The following DCDC1 variants were observed in gnomAD, a reference collection of about 807,000 sequenced individuals.
DCDC1 encodes doublecortin domain containing 1.
Under a neutral mutation model 178.3 loss-of-function variants are expected in DCDC1, and 200 were observed. The observed-to-expected ratio is 1.12, with a 90% CI of 1.00 to 1.26. DCDC1 has a LOEUF of 1.26. Ranked by LOEUF, DCDC1 falls within the 50% of genes most tolerant of loss-of-function variation. The pLI, the probability that DCDC1 is intolerant of heterozygous loss-of-function variation, is 0.00. For synonymous variants in DCDC1, 690 were observed against 604.8 expected (o/e 1.14, Z -2.07); for missense variants, 1,983 against 1,749.2 (o/e 1.13, Z -2.38).
chr11:30,884,385 C>T (rs633904), intron 36 of DCDC1, among the ~76,000 whole-genome samples: 1,618 of 151,806 alleles, frequency 0.011, 20 homozygotes, highest in African/African-American at 0.037. Flanking sequence ...TTTTTTGTTA[C>T]GAATTTTTTT....
chr11:31,291,444 T>A (rs550630794), intron 6 of DCDC1, among the ~76,000 whole-genome samples: 1 of 152,210 alleles, frequency 6.6e-6, no homozygotes, highest in South Asian at 2.1e-4. Flanking sequence ...CAGTTTACTT[T>A]GACCTATACA....
chr11:31,106,509 T>C (rs1291089409), intron 13 of DCDC1, among the ~76,000 whole-genome samples: 1 of 152,180 alleles, frequency 6.6e-6, no homozygotes, highest in African/African-American at 2.4e-5. Context: ...TCTGCTATCA[T>C]TAAGGTGACT....
At chr11:31,094,838 G>A (rs754154466) in intron 15 of DCDC1, among the ~76,000 whole-genome samples, 5 of 151,914 alleles carry the variant, frequency 3.3e-5, no homozygotes, top group Non-Finnish European at 7.4e-5. Flanking sequence ...TACATGTGCA[G>A]AACAAACAGG....
chr11:31,148,230 A>C lies in DCDC1; in HGVS notation c.1222-10446T>G, dbSNP rs1455550923. The stretch of plus-strand genomic sequence containing the variant: ...TATTATAAAAAAAAAAAAAAAAAAA[A>C]AAAACAGGAAAGGAAAAAGATCTTA... On this transcript the variant is annotated intron_variant, in intron 9 of 38. Coordinates refer to ENST00000684477, the MANE Select transcript of DCDC1 (RefSeq NM_001387274.1). 5.3e-5 allele frequency among the ~76,000 whole-genome samples: 8 copies of C among 150,898 alleles called. No individual in the cohort carries two copies. The East Asian group carries it at 1.2e-3, about 22-fold the overall frequency.
intron 38 of DCDC1, among the ~76,000 whole-genome samples, chr11:30,865,979 C>T (rs1034290276): frequency 6.6e-6 from 1 of 152,032 alleles, no homozygotes; most frequent in African/African-American, 2.4e-5. Context: ...AAAATCCTAA[C>T]CCCCAGCACC....
chr11:31,234,412 G>A (rs1976204857), intron 9 of DCDC1, among the ~76,000 whole-genome samples: 1 of 152,168 alleles, frequency 6.6e-6, no homozygotes. Flanking sequence ...AACAAGAAGT[G>A]AGGAAGCCAC....
At chr11:31,084,019 T>C (rs994082327) in intron 17 of DCDC1, among the ~76,000 whole-genome samples, 1 of 152,224 alleles carries the variant, frequency 6.6e-6, no homozygotes, top group African/African-American at 2.4e-5. Flanking sequence ...TTAGGTCACC[T>C]GGTAAAGAGA....
At chr11:31,347,223 T>C (rs1200708077) in intron 1 of DCDC1, among the ~76,000 whole-genome samples, 1 of 152,214 alleles carries the variant, frequency 6.6e-6, no homozygotes, top group African/African-American at 2.4e-5. Context: ...CTCTCCTGCA[T>C]TTCCCTAGAG....
chr11:31,204,620 C>T (rs1038115565), intron 9 of DCDC1, among the ~76,000 whole-genome samples: 24 of 152,072 alleles, frequency 1.6e-4, no homozygotes, highest in Non-Finnish European at 3.2e-4. Context: ...GTCAGGAGTT[C>T]GAGACCAGCC....
In DCDC1 at chr11:31,290,646, C is replaced by G. The variant is rs369862087; in HGVS notation, c.960+1G>C. On this transcript the variant is annotated splice_donor_variant, in intron 7 of 38. Transcript: ENST00000684477. LOFTEE classifies it high-confidence loss of function. ...TAGTTCAATATTTAATTAAAAATTA[C>G]CTTTTTCATTGTTTCTTTTCCCACT... is the stretch of plus-strand genomic sequence containing the variant. 2.6e-5 allele frequency: 42 copies of G among 1,597,880 alleles called. No individual in the cohort carries two copies. The highest frequency in any genetic ancestry group is 3.5e-5 in the Non-Finnish European group (41 of 1,175,512).
At chr11:31,333,310 C>G (rs188372080) in intron 2 of DCDC1, among the ~76,000 whole-genome samples, 10 of 152,244 alleles carry the variant, frequency 6.6e-5, no homozygotes, top group Admixed American at 4.6e-4. Context: ...GAATACAGCA[C>G]TGATGGGTCT....
At chr11:31,057,498 A>C (rs1356376114) in intron 20 of DCDC1, among the ~76,000 whole-genome samples, 2 of 152,194 alleles carry the variant, frequency 1.3e-5, no homozygotes, top group East Asian at 3.8e-4. Context: ...GGAAATGATA[A>C]TGAAAATATA....
chr11:30,899,741 A>C, intron 33 of DCDC1, 99 bp from the exon 34 acceptor site: 1 of 867,798 alleles, frequency 1.2e-6, no homozygotes, highest in Non-Finnish European at 1.6e-6. Context: ...AGATTCAATT[A>C]GAAACAAGTA....
intron 8 of DCDC1, among the ~76,000 whole-genome samples, chr11:31,256,533 AG>A (rs1944425348): frequency 6.6e-6 from 1 of 152,334 alleles, no homozygotes; most frequent in South Asian, 2.1e-4. Flanking sequence ...AATAACAAAA[AG>A]TCTGAGACTT....
At chr11:30,963,304 T>C (rs1219385439) in intron 20 of DCDC1, among the ~76,000 whole-genome samples, 2 of 152,140 alleles carry the variant, frequency 1.3e-5, no homozygotes, top group Non-Finnish European at 2.9e-5. Flanking sequence ...GCAATTCATA[T>C]CTGCAACTGG....
intron 17 of DCDC1, among the ~76,000 whole-genome samples, chr11:31,082,603 A>G (rs1305804340): frequency 4.9e-5 from 2 of 40,544 alleles, no homozygotes; most frequent in Middle Eastern, 0.029. Flanking sequence ...ATAGATATCT[A>G]TATCTATACA....
At chr11:30,888,986 G>A (rs1943550151) in intron 36 of DCDC1, among the ~76,000 whole-genome samples, 1 of 152,178 alleles carries the variant, frequency 6.6e-6, no homozygotes, top group African/African-American at 2.4e-5. Context: ...CTGTGGGCGT[G>A]AGGTACTTGC....
At chr11:31,149,139 T>C (rs777261554) in intron 9 of DCDC1, among the ~76,000 whole-genome samples, 3 of 152,206 alleles carry the variant, frequency 2.0e-5, no homozygotes, top group Non-Finnish European at 2.9e-5. Flanking sequence ...AATCCACTCA[T>C]TGGTTGATGG....
At chr11:31,143,458 G>T (rs1481557931) in intron 9 of DCDC1, among the ~76,000 whole-genome samples, 2 of 152,138 alleles carry the variant, frequency 1.3e-5, no homozygotes, top group East Asian at 3.9e-4. Context: ...AGCTGAAGTA[G>T]TAGAAGGAAT....
Sources: allele counts gnomAD v4.1 joint callset (sites outside exome capture counted in the v4.1 genomes callset), GRCh38; gene constraint gnomAD v4.1.1; transcripts MANE v1.5; gene names NCBI Gene and HGNC (gene_info 2026-07-23, HGNC 2026-07-21).